SCN11A: variants seen among roughly 807,000 people sequenced by gnomAD.
The protein encoded by SCN11A is sodium voltage-gated channel alpha subunit 11.
A neutral mutation model predicts 162.2 loss-of-function variants in SCN11A; 122 were observed. The observed-to-expected ratio is 0.75, with a 90% CI of 0.65 to 0.87. The LOEUF (loss-of-function observed/expected upper bound fraction) is 0.87, where lower values mean the gene tolerates loss of function less well. Ranked by LOEUF, SCN11A falls within the 40% of genes least tolerant of loss-of-function variation. The pLI, the probability that SCN11A is intolerant of heterozygous loss-of-function variation, is 0.00. For synonymous variants in SCN11A, 758 were observed against 751.5 expected (o/e 1.01, Z -0.14); for missense variants, 2,015 against 2,181.6 (o/e 0.92, Z 1.52).
At chr3:38,850,123 A>T (rs1288347242) in intron 29 of SCN11A, 1 of 184,440 alleles carries the variant, frequency 5.4e-6, no homozygotes, top group Non-Finnish European at 1.1e-5. Context: ...AAATGCTCAT[A>T]GGGCTTATAG....
At chr3:38,983,843 G>A (rs1289349724) in intron 2 of SCN11A, among the ~76,000 whole-genome samples, 1 of 151,458 alleles carries the variant, frequency 6.6e-6, no homozygotes, top group African/African-American at 2.4e-5. Flanking sequence ...CATCCACCAG[G>A]AAGTTAGAGA....
At chr3:39,001,024 A>C (rs1038211304) in intron 2 of SCN11A, among the ~76,000 whole-genome samples, 11 of 152,172 alleles carry the variant, frequency 7.2e-5, no homozygotes, top group Admixed American at 2.6e-4. Context: ...GTGACAGAGC[A>C]AGACTCTGTC....
chr3:38,901,361 C>T (rs2065696052), intron 16 of SCN11A, among the ~76,000 whole-genome samples: 1 of 152,118 alleles, frequency 6.6e-6, no homozygotes, highest in South Asian at 2.1e-4. Flanking sequence ...TCAGTGTCAC[C>T]ACCAGTATCT....
At chr3:38,908,384 A>T (rs1396084228) in intron 13 of SCN11A, among the ~76,000 whole-genome samples, 1 of 152,224 alleles carries the variant, frequency 6.6e-6, no homozygotes, top group Non-Finnish European at 1.5e-5. Context: ...AGTGTCCAGT[A>T]TGCGCTAGGC....
intron 2 of SCN11A, among the ~76,000 whole-genome samples, chr3:38,997,701 CTAAG>C (rs757208984): frequency 1.3e-5 from 2 of 152,178 alleles, no homozygotes; most frequent in Non-Finnish European, 2.9e-5. Flanking sequence ...TGTTGAATGG[CTAAG>C]TTAGTGCTTG....
intron 2 of SCN11A, among the ~76,000 whole-genome samples, chr3:38,978,922 C>T (rs2029896663): frequency 1.3e-5 from 2 of 152,136 alleles, no homozygotes; most frequent in South Asian, 2.1e-4. Context: ...AAACCTTCTT[C>T]CCCATCATGT....
chr3:38,847,437 A>G lies in SCN11A; in HGVS notation c.4633T>C (p.Phe1545Leu). 6.2e-7 allele frequency: 1 copy of G among 1,614,188 alleles called. No individual in the cohort carries two copies. The highest frequency in any genetic ancestry group is 8.5e-7 in the Non-Finnish European group (1 of 1,180,028). ...KTFASSMLCLFQISTSAGWDS... is the reference protein window; with the variant it reads ...KTFASSMLCLLQISTSAGWDS... ...CAACCTGCTGATGTGCTTATCTGGAAGAGACAGAGCATGCTGCTGGCAAAA... is the reference window on the plus strand; with the variant it reads ...CAACCTGCTGATGTGCTTATCTGGAGGAGACAGAGCATGCTGCTGGCAAAA... Residue 1545 changes from phenylalanine (F) to leucine (L), a missense_variant, in exon 30 of 30, where the codon TTC (phenylalanine) becomes CTC (leucine). Transcript: ENST00000302328.
chr3:39,009,653 G>C (rs2031073300), intron 2 of SCN11A, among the ~76,000 whole-genome samples: 1 of 145,692 alleles, frequency 6.9e-6, no homozygotes, highest in Non-Finnish European at 1.5e-5. Flanking sequence ...GCTGAAAAGA[G>C]TGTGTACAGT....
At chr3:38,917,662 T>C (rs542927809) in intron 11 of SCN11A, among the ~76,000 whole-genome samples, 2 of 152,284 alleles carry the variant, frequency 1.3e-5, no homozygotes, top group East Asian at 3.9e-4. Flanking sequence ...TGGGACCTAT[T>C]GGATGGTGGA....
chr3:39,050,838 C>A (rs2032334397), intron 1 of SCN11A, among the ~76,000 whole-genome samples: 1 of 152,174 alleles, frequency 6.6e-6, no homozygotes, highest in African/African-American at 2.4e-5. Flanking sequence ...GGGTAGTTTA[C>A]AATTACATAT....
At chr3:38,863,360 A>T (rs1438365371) in intron 27 of SCN11A, 61 bp from the exon 28 acceptor site, 7 of 806,640 alleles carry the variant, frequency 8.7e-6, no homozygotes, top group Non-Finnish European at 4.1e-6. Context: ...CTAGTTCTGA[A>T]TTTTTTGACA....
chr3:38,897,763 T>A (rs1441967699), intron 17 of SCN11A, among the ~76,000 whole-genome samples: 3 of 151,822 alleles, frequency 2.0e-5, no homozygotes, highest in African/African-American at 7.3e-5. Context: ...TTTTAATCAT[T>A]AAGGACTTTG....
At chr3:39,014,984 T>G (rs1299693681) in intron 2 of SCN11A, among the ~76,000 whole-genome samples, 1 of 152,228 alleles carries the variant, frequency 6.6e-6, no homozygotes, top group Non-Finnish European at 1.5e-5. Context: ...GGAAAGTCCA[T>G]GCTGTTGAGC....
chr3:38,871,323 A>G, intron 25 of SCN11A, 122 bp downstream of exon 25: 1 of 980,294 alleles, frequency 1.0e-6, no homozygotes, highest in Non-Finnish European at 1.5e-6. Context: ...CTTTCATATA[A>G]GGAATTAGGA....
At chr3:38,878,885 T>C (rs2065263523) in intron 23 of SCN11A, among the ~76,000 whole-genome samples, 1 of 152,136 alleles carries the variant, frequency 6.6e-6, no homozygotes, top group Non-Finnish European at 1.5e-5. Flanking sequence ...TCTTATCTAC[T>C]TCCTTGCATA....
At chr3:38,952,754 T>A (rs1268091448) in intron 4 of SCN11A, among the ~76,000 whole-genome samples, 2 of 152,132 alleles carry the variant, frequency 1.3e-5, no homozygotes, top group African/African-American at 4.8e-5. Flanking sequence ...ATGTAAGACT[T>A]AGGACAAGAG....
intron 29 of SCN11A, chr3:38,850,275 A>G: frequency 1.8e-6 from 1 of 551,814 alleles, no homozygotes; most frequent in Non-Finnish European, 3.2e-6. Flanking sequence ...TCAGTTGTGT[A>G]GTGAGTTAAG....
chr3:38,920,443 A>G (rs1379435751), intron 10 of SCN11A, among the ~76,000 whole-genome samples: 1 of 152,240 alleles, frequency 6.6e-6, no homozygotes, highest in Non-Finnish European at 1.5e-5. Flanking sequence ...CTGTAATCCC[A>G]GCACTTTGGG....
intron 19 of SCN11A, among the ~76,000 whole-genome samples, chr3:38,886,805 A>G (rs2065408326): frequency 1.3e-5 from 2 of 152,232 alleles, no homozygotes; most frequent in Admixed American, 1.3e-4. Context: ...TCACTACATA[A>G]AACTGAAAAA....
Sources: allele counts gnomAD v4.1 joint callset (sites outside exome capture counted in the v4.1 genomes callset), GRCh38; gene constraint gnomAD v4.1.1; transcripts MANE v1.5; gene names NCBI Gene and HGNC (gene_info 2026-07-23, HGNC 2026-07-21).